The following CSMD3 variants were observed in gnomAD, a reference collection of about 807,000 sequenced individuals.
CSMD3 encodes CUB and Sushi multiple domains 3, also known as CUB and sushi domain-containing protein 3.
Under a neutral mutation model 435.2 loss-of-function variants are expected in CSMD3, and 177 were observed. That is an observed-to-expected ratio of 0.41 (90% confidence interval 0.36 to 0.46). The LOEUF is 0.46. CSMD3 is among the 20% of genes least tolerant of loss of function. The probability of loss-of-function intolerance (pLI) is 0.34; values close to 1 mark genes in which losing one functional copy is unlikely to be tolerated. For synonymous variants in CSMD3, 1,656 were observed against 1,520.5 expected (o/e 1.09, Z -2.07); for missense variants, 4,265 against 4,504.6 (o/e 0.95, Z 1.52).
intron 4 of CSMD3, among the ~76,000 whole-genome samples, chr8:113,114,607 G>C (rs1202696792): frequency 6.6e-6 from 1 of 152,124 alleles, no homozygotes; most frequent in Non-Finnish European, 1.5e-5. Flanking sequence ...GGTTAGTACA[G>C]TAATTTTTTA....
At chr8:112,673,429 A>G (rs944555075) in intron 16 of CSMD3, among the ~76,000 whole-genome samples, 10 of 152,066 alleles carry the variant, frequency 6.6e-5, no homozygotes, top group Non-Finnish European at 1.2e-4. Flanking sequence ...TGGCTATTAA[A>G]TTACATTATT....
At chr8:113,339,170 T>G (rs1414350786) in intron 1 of CSMD3, among the ~76,000 whole-genome samples, 7 of 151,976 alleles carry the variant, frequency 4.6e-5, no homozygotes, top group Admixed American at 4.6e-4. Context: ...AACAATATTT[T>G]AAACATAATG....
intron 4 of CSMD3, among the ~76,000 whole-genome samples, chr8:113,144,530 T>C (rs2131745364): frequency 6.6e-6 from 1 of 151,736 alleles, no homozygotes; most frequent in Admixed American, 6.6e-5. Flanking sequence ...AGTCTGGCTC[T>C]TTTCAAGGCT....
chr8:112,559,302 GAT>G (rs1236459865), intron 24 of CSMD3, among the ~76,000 whole-genome samples: 10 of 151,832 alleles, frequency 6.6e-5, no homozygotes, highest in Non-Finnish European at 1.5e-4. Context: ...CCCTTAAATA[GAT>G]ATATTTACAT....
At chr8:112,869,813 A>G (rs538110500) in intron 10 of CSMD3, among the ~76,000 whole-genome samples, 12 of 152,338 alleles carry the variant, frequency 7.9e-5, no homozygotes, top group African/African-American at 2.9e-4. Flanking sequence ...GTTCTCACTC[A>G]TAAGTGGAAG....
chr8:112,478,692 T>G (rs1586458743), intron 31 of CSMD3, among the ~76,000 whole-genome samples: 1 of 152,070 alleles, frequency 6.6e-6, no homozygotes, highest in African/African-American at 2.4e-5. Flanking sequence ...AAGATAGGGG[T>G]GGGTCCGTGG....
rs1215451792 is a variant in CSMD3, at chr8:113,374,818, T to TAAAAAAAAAAAAAA, written c.179-60039_179-60026dup. Among the ~76,000 whole-genome samples the TAAAAAAAAAAAAAA allele has an allele frequency of 3.6e-3, 101 of 28,044 alleles. 1 individual carries two copies. The highest frequency in any genetic ancestry group is 5.7e-3 in the South Asian group (3 of 528). The allele number at this position is 28,044 out of a possible 152,430, so 18.4% of individuals were successfully genotyped here. On this transcript the variant is annotated intron_variant, in intron 1 of 70. Transcript: ENST00000297405. ...CCATATGCACCTTGTTGTTAAAAAG[T>TAAAAAAAAAAAAAA]AAAAAAAAAAAAAAAAAAAAAAAAA...
At chr8:112,707,409 C>A (rs1204922583) in intron 13 of CSMD3, among the ~76,000 whole-genome samples, 1 of 148,628 alleles carries the variant, frequency 6.7e-6, no homozygotes, top group East Asian at 2.0e-4. Flanking sequence ...CAACCTCTTG[C>A]AACCTAATAA....
intron 32 of CSMD3, among the ~76,000 whole-genome samples, chr8:112,412,363 TG>T (rs1811445290): frequency 2.8e-4 from 3 of 10,630 alleles, no homozygotes; most frequent in Admixed American, 5.7e-4. Flanking sequence ...ACAAGCTCCG[TG>T]GTGGTCTGTT....
In CSMD3 at chr8:113,038,363, A is replaced by G. The variant is rs1012469330; in HGVS notation, c.918-19184T>C. On this transcript the variant is annotated intron_variant, in intron 5 of 70. Transcript: ENST00000297405. ...CTTAAGCTAAGAAACCATTCATTGA[A>G]TAATTGTCAAATGTTTTCTATATGC... Among the ~76,000 whole-genome samples, 8 of 152,214 alleles carry G rather than the reference A, an allele frequency of 5.3e-5. No individual in the cohort carries two copies. The South Asian group carries it at 6.2e-4, about 12-fold the overall frequency.
At chr8:113,017,799 G>A in intron 6 of CSMD3, among the ~76,000 whole-genome samples, 1 of 151,908 alleles carries the variant, frequency 6.6e-6, no homozygotes, top group East Asian at 1.9e-4. Flanking sequence ...ATTTAAAAGT[G>A]ACATTGCCTT....
intron 4 of CSMD3, among the ~76,000 whole-genome samples, chr8:113,149,129 AAG>A (rs1438875729): frequency 1.3e-5 from 2 of 151,802 alleles, no homozygotes; most frequent in East Asian, 1.9e-4. Context: ...AAATTTAGGA[AAG>A]AGAGGCAAAA....
intron 7 of CSMD3, among the ~76,000 whole-genome samples, chr8:112,968,502 T>A (rs1313561535): frequency 6.6e-6 from 1 of 151,652 alleles, no homozygotes; most frequent in Non-Finnish European, 1.5e-5. Context: ...GTCTTCTTTA[T>A]AATAAACTGC....
At chr8:113,270,377 G>A (rs1338067783) in intron 3 of CSMD3, among the ~76,000 whole-genome samples, 1 of 151,826 alleles carries the variant, frequency 6.6e-6, no homozygotes, top group African/African-American at 2.4e-5. Flanking sequence ...ACTGTTGGTG[G>A]GACTGTAAAC....
chr8:112,628,169 T>C (rs887148102), intron 22 of CSMD3, among the ~76,000 whole-genome samples: 3 of 152,180 alleles, frequency 2.0e-5, no homozygotes, highest in African/African-American at 7.2e-5. Context: ...ACACCTTTTT[T>C]ACCTTACTTT....
chr8:113,352,807 A>G (rs58207334), intron 1 of CSMD3, among the ~76,000 whole-genome samples: 15,855 of 152,248 alleles, frequency 0.1, 964 homozygotes, highest in Middle Eastern at 0.17. Context: ...AAAGAAGCAA[A>G]AAAGAATCAC....
intron 5 of CSMD3, among the ~76,000 whole-genome samples, chr8:113,036,380 C>T (rs1448381022): frequency 6.6e-6 from 1 of 151,930 alleles, no homozygotes; most frequent in Non-Finnish European, 1.5e-5. Flanking sequence ...TTACCTTCAT[C>T]ACTAAATAAA....
chr8:112,651,239 G>A (rs915122423), intron 18 of CSMD3, among the ~76,000 whole-genome samples: 6 of 151,932 alleles, frequency 3.9e-5, no homozygotes, highest in African/African-American at 1.4e-4. Context: ...AAAATTAGTC[G>A]TTAACATTTT....
Position 112,398,131 on chromosome 8 carries a change from G to A in CSMD3, c.5810-7343C>T, listed in dbSNP as rs190685471. On this transcript the variant is annotated intron_variant, in intron 35 of 70. Coordinates refer to ENST00000297405, the MANE Select transcript of CSMD3 (RefSeq NM_198123.2). Reference sequence around the variant, plus strand: ...AGAAGAAAGGGGTAACAGATCTTAAGCAGGACCAAAACCTTAAAATTCAAG... The same window carrying A: ...AGAAGAAAGGGGTAACAGATCTTAAACAGGACCAAAACCTTAAAATTCAAG... 6.6e-5 allele frequency among the ~76,000 whole-genome samples: 10 copies of A among 152,260 alleles called. No individual in the cohort carries two copies. The East Asian group carries it at 1.9e-3, about 29-fold the overall frequency.
Sources: allele counts gnomAD v4.1 joint callset (sites outside exome capture counted in the v4.1 genomes callset), GRCh38; gene constraint gnomAD v4.1.1; transcripts MANE v1.5; gene names NCBI Gene and HGNC (gene_info 2026-07-23, HGNC 2026-07-21).